FGF14: variants seen among roughly 807,000 people sequenced by gnomAD.
FGF14 encodes the protein fibroblast growth factor homologous factor 4.
In FGF14, 5 loss-of-function variants were observed where a neutral mutation model predicts 25.5. The ratio of observed to expected loss-of-function variants is 0.20; its 90% CI spans 0.10 to 0.41. The LOEUF (loss-of-function observed/expected upper bound fraction) is 0.41, where lower values mean the gene tolerates loss of function less well. FGF14 is among the 10% of genes least tolerant of loss of function. The pLI is 1.00. For missense variants in FGF14, 222 were observed against 320.1 expected, an observed-to-expected ratio of 0.69 and a Z score of 2.34; for synonymous variants, 138 against 118.3, an observed-to-expected ratio of 1.17 and a Z score of -1.08.
chr13:102,095,173 T>A (rs192923705), intron 1 of FGF14, among the ~76,000 whole-genome samples: 101 of 152,216 alleles, frequency 6.6e-4, no homozygotes, highest in African/African-American at 2.2e-3. Context: ...TATGACAGAA[T>A]CTATCAAGGA....
intron 1 of FGF14, among the ~76,000 whole-genome samples, chr13:102,137,211 C>T (rs1038369476): frequency 2.6e-5 from 4 of 152,182 alleles, no homozygotes; most frequent in Admixed American, 6.5e-5. Context: ...CATGCTGAAG[C>T]AACCTCATTT....
At chr13:101,737,567 C>T (rs1174411200) in intron 3 of FGF14, among the ~76,000 whole-genome samples, 1 of 152,064 alleles carries the variant, frequency 6.6e-6, no homozygotes, top group Non-Finnish European at 1.5e-5. Flanking sequence ...TTGTACTTCT[C>T]TGCCCATTCT....
chr13:102,036,800 T>A (rs2041499068), intron 1 of FGF14, among the ~76,000 whole-genome samples: 1 of 152,080 alleles, frequency 6.6e-6, no homozygotes, highest in South Asian at 2.1e-4. Flanking sequence ...AAATGCAGAA[T>A]CCTATGTCAC....
At chr13:102,389,856 G>A (rs1180880335) in intron 1 of FGF14, among the ~76,000 whole-genome samples, 1 of 152,176 alleles carries the variant, frequency 6.6e-6, no homozygotes, top group African/African-American at 2.4e-5. Context: ...TATGCTCTGA[G>A]TGATAAAATC....
intron 1 of FGF14, among the ~76,000 whole-genome samples, chr13:102,019,096 G>A (rs180922985): frequency 1.3e-5 from 2 of 152,254 alleles, no homozygotes; most frequent in African/African-American, 4.8e-5. Context: ...AATATGCTCA[G>A]CTTTGTGATG....
intron 1 of FGF14, among the ~76,000 whole-genome samples, chr13:102,072,285 T>A (rs1305672073): frequency 6.6e-6 from 1 of 152,194 alleles, no homozygotes; most frequent in Non-Finnish European, 1.5e-5. Flanking sequence ...GTCATTGATT[T>A]ACAGAACAAT....
At chr13:102,364,993 C>A (rs1406294666) in intron 1 of FGF14, among the ~76,000 whole-genome samples, 1 of 152,148 alleles carries the variant, frequency 6.6e-6, no homozygotes, top group Non-Finnish European at 1.5e-5. Flanking sequence ...AGATTTTTCC[C>A]TTAAAAATTT....
chr13:101,999,139 CTAAT>C (rs1158053800), intron 1 of FGF14, among the ~76,000 whole-genome samples: 1 of 152,146 alleles, frequency 6.6e-6, no homozygotes, highest in African/African-American at 2.4e-5. Flanking sequence ...ACCTTATTAT[CTAAT>C]TAGTCACAGT....
At position 101,864,844 on chromosome 13, in the gene FGF14, T is replaced by A. The variant is rs117875241; in HGVS notation, c.408+3881A>T. ...TGATAAAATACCAATAAGGAATCTC[T>A]ATGCATTTTATGTAAGATTACCTTA... On this transcript the variant is annotated intron_variant, in intron 3 of 4. Transcript: ENST00000376143. 6.6e-5 allele frequency among the ~76,000 whole-genome samples: 10 copies of A among 152,206 alleles called. No individual in the cohort carries two copies. The East Asian group carries it at 1.9e-3, about 30-fold the overall frequency.
At chr13:102,371,783 T>C (rs563376626) in intron 1 of FGF14, among the ~76,000 whole-genome samples, 1 of 152,186 alleles carries the variant, frequency 6.6e-6, no homozygotes, top group Non-Finnish European at 1.5e-5. Flanking sequence ...ATTCAGTGTG[T>C]TATGGAGTAA....
intron 1 of FGF14, among the ~76,000 whole-genome samples, chr13:102,283,255 T>C (rs2053935586): frequency 6.6e-6 from 1 of 152,198 alleles, no homozygotes; most frequent in African/African-American, 2.4e-5. Flanking sequence ...GATCACATGA[T>C]CACAACTAGC....
chr13:102,396,498 T>TA (rs1262181529), intron 1 of FGF14, among the ~76,000 whole-genome samples: 1 of 152,230 alleles, frequency 6.6e-6, no homozygotes, highest in African/African-American at 2.4e-5. Flanking sequence ...TTGTCCTTGT[T>TA]ACCATATGTA....
intron 1 of FGF14, among the ~76,000 whole-genome samples, chr13:101,996,490 A>C (rs1005054612): frequency 6.6e-6 from 1 of 152,196 alleles, no homozygotes; most frequent in African/African-American, 2.4e-5. Context: ...GGTCATGAAA[A>C]CAACTAGGAG....
chr13:101,840,938 T>C (rs1044434975), intron 3 of FGF14, among the ~76,000 whole-genome samples: 2 of 151,970 alleles, frequency 1.3e-5, no homozygotes, highest in Non-Finnish European at 2.9e-5. Flanking sequence ...TAGGTCTCCT[T>C]GTAATGAGGA....
At chr13:101,823,901 ACT>A (rs561891588) in intron 3 of FGF14, among the ~76,000 whole-genome samples, 189 of 112,188 alleles carry the variant, frequency 1.7e-3, no homozygotes, top group African/African-American at 5.7e-3. Context: ...TGGCATTGTT[ACT>A]GTTATTTTTC....
intron 1 of FGF14, among the ~76,000 whole-genome samples, chr13:102,370,512 A>G (rs1413049520): frequency 1.3e-5 from 2 of 152,062 alleles, no homozygotes; most frequent in Non-Finnish European, 2.9e-5. Context: ...CGGCCTCCTG[A>G]GTAGCTGGGA....
chr13:101,940,436 G>T (rs903117176), intron 1 of FGF14, among the ~76,000 whole-genome samples: 1 of 152,228 alleles, frequency 6.6e-6, no homozygotes, highest in African/African-American at 2.4e-5. Context: ...GAATGGGAAA[G>T]AGTACAGGCA....
intron 1 of FGF14, among the ~76,000 whole-genome samples, chr13:101,980,810 C>T (rs1343341424): frequency 6.6e-6 from 1 of 152,130 alleles, no homozygotes; most frequent in African/African-American, 2.4e-5. Context: ...TCTATCCAGG[C>T]CAGGTATTAT....
chr13:102,310,695 G>T (rs1313139517), intron 1 of FGF14, among the ~76,000 whole-genome samples: 5 of 34,506 alleles, frequency 1.4e-4, no homozygotes, highest in Non-Finnish European at 2.9e-4. Flanking sequence ...CTGTGTGTGT[G>T]TGGGGGGGGG....
Sources: gnomAD v4.1 joint callset for allele counts (sites outside exome capture counted in the v4.1 genomes callset) on GRCh38, gnomAD v4.1.1 for gene constraint, MANE v1.5 for transcripts, NCBI Gene and HGNC (gene_info 2026-07-23, HGNC 2026-07-21) for gene names.